The following THSD4 variants were observed in gnomAD, a reference collection of about 807,000 sequenced individuals.
THSD4 encodes thrombospondin type-1 domain-containing protein 4.
Under a neutral mutation model 119.0 loss-of-function variants are expected in THSD4, and 69 were observed. The observed-to-expected ratio is 0.58, with a 90% confidence interval of 0.48 to 0.71. The LOEUF is 0.71. THSD4 is among the 30% of genes least tolerant of loss of function. The pLI is 0.00. For synonymous variants in THSD4, 524 were observed against 540.4 expected (o/e 0.97, Z 0.42); for missense variants, 1,393 against 1,391.1 (o/e 1.00, Z -0.02).
intron 7 of THSD4, among the ~76,000 whole-genome samples, chr15:71,446,013 A>G (rs1019020560): frequency 6.6e-6 from 1 of 152,196 alleles, no homozygotes; most frequent in Non-Finnish European, 1.5e-5. Context: ...GATAATTAAG[A>G]CTGAATTTAT....
intron 6 of THSD4, among the ~76,000 whole-genome samples, chr15:71,301,696 T>C (rs1268257062): frequency 6.6e-6 from 1 of 152,228 alleles, no homozygotes. Flanking sequence ...TAAAAAATAA[T>C]TTTCTCTGGG....
At chr15:71,711,083 GTATATATATATACA>G (rs2052504160) in intron 8 of THSD4, among the ~76,000 whole-genome samples, 1 of 128,218 alleles carries the variant, frequency 7.8e-6, no homozygotes, top group South Asian at 2.2e-4. Context: ...ATATATATAT[GTATATATATATACA>G]TATATATATA....
rs551297860 is a variant in THSD4 at position 71,128,306 on chromosome 15, C to T, written c.-80+12608C>T. Among the ~76,000 whole-genome samples, 21 of 151,984 alleles carry T rather than the reference C, an allele frequency of 1.4e-4. No homozygotes were observed. In the East Asian group the frequency reaches 2.1e-3, roughly 15 times the overall value. ...CTTTGGGAGGCCGAGGTGGGTAGATCACCTGAGGTCAGGAGTTTGAGACCA... is the reference window on the plus strand; with the variant it reads ...CTTTGGGAGGCCGAGGTGGGTAGATTACCTGAGGTCAGGAGTTTGAGACCA... On this transcript the variant is annotated intron_variant, in intron 1 of 17. Transcript: ENST00000261862.
chr15:71,418,691 A>G lies in THSD4; in HGVS notation c.1152+6868A>G, dbSNP rs2046781809. Among the ~76,000 whole-genome samples the G allele has an allele frequency of 1.8e-5, 2 of 108,868 alleles. 1 individual carries two copies. The highest frequency in any genetic ancestry group is 4.1e-5 in the Non-Finnish European group (2 of 49,204). 71.4% of individuals were successfully genotyped at this position (108,868 alleles called of 152,430 possible). ...TTTCTGAAGGATTTTTACATCATGCATTTGGAAGTATTCCCTCCTCCTTTA... is the reference window on the plus strand; with the variant it reads ...TTTCTGAAGGATTTTTACATCATGCGTTTGGAAGTATTCCCTCCTCCTTTA... On this transcript the variant is annotated intron_variant, in intron 7 of 17. Transcript: ENST00000261862.
At position 71,762,150 on chromosome 15, in the gene THSD4, A is replaced by AACACACACACACACAC. The variant is rs72267245; in HGVS notation, c.2590-2856_2590-2841dup. Among the ~76,000 whole-genome samples the AACACACACACACACAC allele has an allele frequency of 8.9e-3, 994 of 112,276 alleles. 17 individuals carry two copies. Among genetic ancestry groups the AACACACACACACACAC allele is most frequent in the African/African-American group, 0.024 (953 of 39,230 alleles). 73.7% of individuals were successfully genotyped at this position (112,276 alleles called of 152,430 possible). A position where few individuals can be genotyped will look rare whatever the true frequency, so the allele number is the denominator to read the frequency against. ...AAATGCTGTCTCATGCGCGTGTGCAAACACACACACACACACACACACACA... is the reference window on the plus strand; with the variant it reads ...AAATGCTGTCTCATGCGCGTGTGCAAACACACACACACACACACACACACACACACACACACACACA... On this transcript the variant is annotated intron_variant, in intron 15 of 17. Coordinates refer to ENST00000261862, the MANE Select transcript of THSD4 (RefSeq NM_024817.3).
In THSD4 at chr15:71,680,860, G is replaced by A. The variant is rs62024316; in HGVS notation, c.1357+20126G>A. Among the ~76,000 whole-genome samples the A allele has an allele frequency of 3.9e-3, 591 of 151,718 alleles. 10 individuals are homozygous for A. The highest frequency in any genetic ancestry group is 5.9e-3 in the Non-Finnish European group (403 of 67,964). On this transcript the variant is annotated intron_variant, in intron 8 of 17. Transcript: ENST00000261862. Reference sequence around the variant, plus strand: ...TAAGGTAAAACAGGTAAAGCATCTAGCACAATGACTGGCACAAAATACTTA... The same window carrying A: ...TAAGGTAAAACAGGTAAAGCATCTAACACAATGACTGGCACAAAATACTTA...
chr15:71,311,936 T>G (rs1471453471), intron 6 of THSD4, among the ~76,000 whole-genome samples: 1 of 152,136 alleles, frequency 6.6e-6, no homozygotes, highest in African/African-American at 2.4e-5. Context: ...ATACCTGGCC[T>G]CTGGCTTTCC....
chr15:71,107,824 G>C (rs140660776), intron 1 of THSD4, among the ~76,000 whole-genome samples: 3 of 152,204 alleles, frequency 2.0e-5, no homozygotes, highest in Non-Finnish European at 4.4e-5. Context: ...TCCCCCTTGA[G>C]AGAATTCAGC....
At chr15:71,230,510 C>T (rs565071017) in intron 4 of THSD4, among the ~76,000 whole-genome samples, 6 of 152,330 alleles carry the variant, frequency 3.9e-5, no homozygotes, top group South Asian at 4.1e-4. Context: ...CTGTGCTAGG[C>T]GCTTTCCCTG....
At chr15:71,396,168 GTA>G (rs1016667518) in intron 6 of THSD4, among the ~76,000 whole-genome samples, 1 of 151,924 alleles carries the variant, frequency 6.6e-6, no homozygotes, top group African/African-American at 2.4e-5. Context: ...GTAGACACAT[GTA>G]TATACATACA....
intron 7 of THSD4, among the ~76,000 whole-genome samples, chr15:71,426,742 A>C (rs1013406555): frequency 2.0e-5 from 3 of 152,146 alleles, no homozygotes; most frequent in Non-Finnish European, 4.4e-5. Flanking sequence ...CTAATCTAAA[A>C]GTACTTTCTG....
At chr15:71,676,127 A>T (rs2087125881) in intron 8 of THSD4, among the ~76,000 whole-genome samples, 1 of 152,268 alleles carries the variant, frequency 6.6e-6, no homozygotes, top group Non-Finnish European at 1.5e-5. Flanking sequence ...GCTCTTAAAA[A>T]GAGTAGAACA....
Position 71,584,262 on chromosome 15 carries a change from C to CTT in THSD4, c.1153-76246_1153-76245dup, listed in dbSNP as rs71154789. The stretch of plus-strand genomic sequence containing the variant: ...TCACGTGGATTTTTTTTTTCACTTT[C>CTT]TTTTTTTTTTTTTTTTTTTTTTTGA... On this transcript the variant is annotated intron_variant, in intron 7 of 17. Transcript: ENST00000261862. 1.1e-3 allele frequency among the ~76,000 whole-genome samples: 69 copies of CTT among 61,808 alleles called. 1 individual carries two copies. Among genetic ancestry groups the CTT allele is most frequent in the African/African-American group, 4.0e-3 (53 of 13,178 alleles). 40.5% of individuals were successfully genotyped at this position (61,808 alleles called of 152,430 possible).
At chr15:71,638,798 T>G (rs975649174) in intron 7 of THSD4, among the ~76,000 whole-genome samples, 6 of 152,210 alleles carry the variant, frequency 3.9e-5, no homozygotes, top group African/African-American at 1.4e-4. Flanking sequence ...ATAAGCTACA[T>G]TATGCTTGAG....
chr15:71,163,102 A>G (rs1436096599), intron 3 of THSD4, among the ~76,000 whole-genome samples: 2 of 151,966 alleles, frequency 1.3e-5, no homozygotes, highest in Non-Finnish European at 2.9e-5. Context: ...AATCATTATT[A>G]TGAATTGCTT....
At chr15:71,164,788 T>A (rs13329439) in intron 3 of THSD4, 239,116 of 1,593,336 alleles carry the variant, frequency 0.15, 20,514 homozygotes, top group East Asian at 0.43. Flanking sequence ...CATCATCATC[T>A]TCTTCTTCAT....
chr15:71,376,964 C>G (rs191009773), intron 6 of THSD4, among the ~76,000 whole-genome samples: 10 of 152,252 alleles, frequency 6.6e-5, no homozygotes, highest in African/African-American at 1.4e-4. Context: ...AGATGCTGTA[C>G]GAATACTCAC....
chr15:71,164,739 G>A (rs1224958631), intron 3 of THSD4: 118 of 1,582,082 alleles, frequency 7.5e-5, no homozygotes, highest in Non-Finnish European at 9.8e-5. Context: ...ATGCTTTATA[G>A]ACAAGAAAAA....
At position 71,680,239 on chromosome 15, in the gene THSD4, T is replaced by C. The variant is rs144162069; in HGVS notation, c.1357+19505T>C. On this transcript the variant is annotated intron_variant, in intron 8 of 17. Transcript: ENST00000261862. ...AACCTAGTCCAGCCTTTCCTGTCTTTCCTGTTTTGTTGGTAAGTTCTGGGA... is the reference window on the plus strand; with the variant it reads ...AACCTAGTCCAGCCTTTCCTGTCTTCCCTGTTTTGTTGGTAAGTTCTGGGA... Among the ~76,000 whole-genome samples, 93 of 152,296 alleles carry C rather than the reference T, an allele frequency of 6.1e-4. 2 individuals are homozygous for C. The East Asian group carries it at 0.017, about 28-fold the overall frequency.
Sources: gnomAD v4.1 joint callset for allele counts (sites outside exome capture counted in the v4.1 genomes callset) on GRCh38, gnomAD v4.1.1 for gene constraint, MANE v1.5 for transcripts, NCBI Gene and HGNC (gene_info 2026-07-23, HGNC 2026-07-21) for gene names.